VAX1: variants seen among roughly 807,000 people sequenced by gnomAD.
VAX1 encodes ventral anterior homeobox 1.
VAX1 carries 6 observed loss-of-function variants against 17.6 expected under a neutral mutation model. The observed-to-expected ratio is 0.34, with a 90% CI of 0.19 to 0.67. VAX1 has a LOEUF of 0.67. VAX1 is among the 30% of genes least tolerant of loss of function. The pLI, the probability that VAX1 is intolerant of heterozygous loss-of-function variation, is 0.69. For missense variants in VAX1, 408 were observed against 463.7 expected (o/e 0.88, Z 1.10); for synonymous variants, 256 against 227.4 (o/e 1.13, Z -1.13).
At chr10:117,128,755 A>G (rs1854047624), downstream of VAX1, 2 of 152,144 alleles carry the variant, frequency 1.3e-5, no homozygotes, top group African/African-American at 4.8e-5. Context: ...TCCAGAACTC[A>G]TGTCTCTTCA....
chr10:117,137,339 G>T lies in VAX1; in HGVS notation c.241+477C>A, dbSNP rs1854198727. Among the ~76,000 whole-genome samples the T allele has an allele frequency of 6.6e-6, 1 of 152,032 alleles. No individual in the cohort carries two copies. The highest frequency in any genetic ancestry group is 2.4e-5 in the African/African-American group (1 of 41,402). On this transcript the variant is annotated intron_variant, in intron 1 of 2. Transcript: ENST00000369206. This position sits in a 1 kb window ranked among gnomAD's most constrained non-coding sequence, Gnocchi z 7.4. Reference sequence around the variant, plus strand: ...CGGTCGGGCACCGATCGCGGCCGTGGGGTCCTCGGCCCAGTGCACTAACTG... The same window carrying T: ...CGGTCGGGCACCGATCGCGGCCGTGTGGTCCTCGGCCCAGTGCACTAACTG...
downstream of VAX1, chr10:117,129,027 C>A (rs1357761219): frequency 1.3e-5 from 2 of 152,190 alleles, no homozygotes; most frequent in Non-Finnish European, 2.9e-5. Context: ...GATTTCCCGA[C>A]GTAGAAATGG....
Position 117,133,456 on chromosome 10 carries a change from G to C in VAX1, c.*552C>G. 2.0e-6 allele frequency: 2 copies of C among 985,636 alleles called. No individual in the cohort carries two copies. Among genetic ancestry groups the C allele is most frequent in the Non-Finnish European group, 2.4e-6 (2 of 830,096 alleles). 61.1% of individuals were successfully genotyped at this position (985,636 alleles called of 1,614,324 possible). On this transcript the variant is annotated 3_prime_UTR_variant, in exon 3 of 3. Transcript: ENST00000369206. ...TTTGCCCGCCAGGAAGCTGTGTTGT[G>C]TACCGACTATCCCGAGAGGTCCGCA...
Position 117,134,075 on chromosome 10 carries a change from G to A in VAX1, c.938C>T (p.Ser313Phe). Residue 313 changes from serine (S) to phenylalanine (F), a missense_variant, in exon 3 of 3, where the codon TCC becomes TTC. Physicochemically the swap from Ser to Phe is radical, Grantham distance 155. Transcript: ENST00000369206. The surrounding 1 kb of genome is among the most constrained non-coding windows in gnomAD (Gnocchi z 6.2). ...LQELSARYLS[S>F]SAFEPYSRTN... ...CCGGGAGTAAGGCTCGAAGGCCGAG[G>A]AGCTCAGATATCGGGCGGAGAGTTC... 1 of 1,536,360 alleles carries A rather than the reference G, an allele frequency of 6.5e-7. No homozygotes were observed. Among genetic ancestry groups the A allele is most frequent in the Non-Finnish European group, 8.8e-7 (1 of 1,140,524 alleles).
At chr10:117,132,247 G>A (rs769637738), downstream of VAX1, 8 of 1,613,844 alleles carry the variant, frequency 5.0e-6, no homozygotes, top group Admixed American at 1.3e-4. This position sits in a 1 kb window ranked among gnomAD's most constrained non-coding sequence, Gnocchi z 4.9. Flanking sequence ...GAGTCCCCAC[G>A]CCGAGACTCA....
chr10:117,132,450 A>T, downstream of VAX1: 1 of 1,612,524 alleles, frequency 6.2e-7, no homozygotes, highest in Non-Finnish European at 8.5e-7. The surrounding 1 kb of genome is among the most constrained non-coding windows in gnomAD (Gnocchi z 4.9). Context: ...CCGCGTTTGA[A>T]TCGTTCATTA....
Position 117,136,492 on chromosome 10 carries a change from G to C in VAX1, c.409C>G (p.Leu137Val). 1.9e-6 allele frequency: 3 copies of C among 1,613,694 alleles called. No individual in the cohort carries two copies. Among genetic ancestry groups the C allele is most frequent in the Non-Finnish European group, 2.5e-6 (3 of 1,179,996 alleles). Residue 137 changes from leucine to valine, a missense_variant, in exon 2 of 3, where the codon CTT (leucine) becomes GTT (valine). Leu to Val is a conservative substitution (Grantham distance 32). Transcript: ENST00000369206. The surrounding 1 kb of genome is among the most constrained non-coding windows in gnomAD (Gnocchi z 5.0). ...GRERTELARQ[L>V]NLSETQVKVW... ...GGTACCTGGGTCTCGGAGAGGTTAA[G>C]CTGCCGGGCGAGCTCGGTCCTCTCG...
In VAX1 at chr10:117,134,052, G is replaced by T; in HGVS notation, c.961C>A (p.Arg321=). The T allele has an allele frequency of 6.5e-7, 1 of 1,529,756 alleles. No homozygotes were observed. The highest frequency in any genetic ancestry group is 2.6e-5 in the East Asian group (1 of 38,356). The allele number at this position is 1,529,756 out of a possible 1,614,324, so 94.8% of individuals were successfully genotyped here. A position where few individuals can be genotyped will look rare whatever the true frequency, so the allele number is the denominator to read the frequency against. ...TCGGCCCCTTCTTTATTGTTGGTCC[G>T]GGAGTAAGGCTCGAAGGCCGAGGAG... ...LSSSAFEPYS[R]TNNKEGAEKK... The change falls in exon 3 of 3, where the codon CGG becomes AGG. Residue 321 remains arginine (R), a synonymous_variant. Coordinates refer to ENST00000369206, the MANE Select transcript of VAX1 (RefSeq NM_001112704.2). The surrounding 1 kb of genome is among the most constrained non-coding windows in gnomAD (Gnocchi z 6.2).
rs1345896918 is a variant in VAX1, at chr10:117,134,467, C to A, written c.546G>T (p.Leu182=). The A allele has an allele frequency of 2.0e-6, 3 of 1,519,254 alleles. No individual in the cohort carries two copies. In the East Asian group the frequency reaches 7.9e-5, roughly 40 times the overall value. The allele number at this position is 1,519,254 out of a possible 1,614,324, so 94.1% of individuals were successfully genotyped here. Residue 182 remains leucine (L), a synonymous_variant, in exon 3 of 3, where the codon CTG becomes CTT. Transcript: ENST00000369206. The surrounding 1 kb of genome is among the most constrained non-coding windows in gnomAD (Gnocchi z 6.2). ...GCGGCGACAACAGGCGGCCCTGCTCCAGCAGCCGTAGCACGCTGCACGTGG... is the reference window on the plus strand; with the variant it reads ...GCGGCGACAACAGGCGGCCCTGCTCAAGCAGCCGTAGCACGCTGCACGTGG... ...TAATCSVLRL[L]EQGRLLSPPG... is the part of the protein sequence containing the mutation.
At chr10:117,132,469 AC>A (rs775924063), downstream of VAX1, 1 of 1,608,958 alleles carries the variant, frequency 6.2e-7, no homozygotes, top group Non-Finnish European at 8.5e-7. This position sits in a 1 kb window ranked among gnomAD's most constrained non-coding sequence, Gnocchi z 4.9. Flanking sequence ...TATTTTCTTC[AC>A]TATTTGCCTA....
rs754203695 is a variant in VAX1 at position 117,137,891 on chromosome 10, C to G, written c.166G>C (p.Ala56Pro). Residue 56 changes from alanine to proline, a missense_variant, in exon 1 of 3, where the codon GCT becomes CCT. Physicochemically the swap from Ala to Pro is conservative, Grantham distance 27 (BLOSUM62 -1). Coordinates refer to ENST00000369206, the MANE Select transcript of VAX1 (RefSeq NM_001112704.2). This position sits in a 1 kb window ranked among gnomAD's most constrained non-coding sequence, Gnocchi z 7.4. ...EPQGAFSASG[A>P]AEDCNKSKSN... ...TTACTTTTGTTACAATCCTCAGCAG[C>G]GCCCGACGCTGAGAAGGCGCCCTGC... 3.7e-6 allele frequency: 6 copies of G among 1,613,722 alleles called. No individual in the cohort carries two copies. Among genetic ancestry groups the G allele is most frequent in the Non-Finnish European group, 4.2e-6 (5 of 1,180,002 alleles).
chr10:117,132,236 G>A (rs776057410), downstream of VAX1: 24 of 1,613,936 alleles, frequency 1.5e-5, no homozygotes, highest in Admixed American at 3.3e-5. This position sits in a 1 kb window ranked among gnomAD's most constrained non-coding sequence, Gnocchi z 4.9. Flanking sequence ...CTCTGCCCCC[G>A]GAGTCCCCAC....
downstream of VAX1, chr10:117,128,902 G>T (rs1854049894): frequency 6.6e-6 from 1 of 152,188 alleles, no homozygotes; most frequent in African/African-American, 2.4e-5. Context: ...GGTCCCCATT[G>T]AGTTTATAAA....
rs752129509 is a variant in VAX1 at position 117,136,453 on chromosome 10, C to T, written c.429+19G>A. On this transcript the variant is annotated intron_variant, in intron 2 of 2. Transcript: ENST00000369206. This position sits in a 1 kb window ranked among gnomAD's most constrained non-coding sequence, Gnocchi z 5.0. The stretch of plus-strand genomic sequence containing the variant: ...AGGAAGGCTGGTGCAGAACTGTGTG[C>T]GGCCTGGTCGCCGGGTACCTGGGTC... 6.2e-7 allele frequency: 1 copy of T among 1,611,384 alleles called. No individual in the cohort carries two copies. The highest frequency in any genetic ancestry group is 8.5e-7 in the Non-Finnish European group (1 of 1,179,754).
chr10:117,134,012 T>G lies in VAX1; in HGVS notation c.1001A>C (p.Asp334Ala). Residue 334 changes from aspartate to alanine, a missense_variant, in exon 3 of 3, where the codon GAC becomes GCC. This residue lies in a region of VAX1 where 196 missense variants were observed against 218.7 expected (regional missense o/e 0.90). Transcript: ENST00000369206. This position sits in a 1 kb window ranked among gnomAD's most constrained non-coding sequence, Gnocchi z 6.2. ...AATACAGGGAAACACTTAAAATCAG[T>G]CCAGCGCTTTTTTCTCGGCCCCTTC... ...NKEGAEKKAL[D>A] is the part of the protein sequence containing the mutation. 9 of 1,520,826 alleles carry G rather than the reference T, an allele frequency of 5.9e-6. No homozygotes were observed. Among genetic ancestry groups the G allele is most frequent in the Non-Finnish European group, 7.1e-6 (8 of 1,133,970 alleles). 94.2% of individuals were successfully genotyped at this position (1,520,826 alleles called of 1,614,324 possible).
At chr10:117,128,755 AT>A (rs2133654850), downstream of VAX1, 1 of 152,262 alleles carries the variant, frequency 6.6e-6, no homozygotes, top group Admixed American at 6.5e-5. Context: ...TCCAGAACTC[AT>A]GTCTCTTCAA....
Position 117,138,020 on chromosome 10 carries a change from G to A in VAX1, c.37C>T (p.His13Tyr). The change falls in exon 1 of 3, where the codon CAC becomes TAC. Residue 13 changes from histidine (H) to tyrosine (Y), a missense_variant. His to Tyr is a moderately conservative substitution (Grantham distance 83). Transcript: ENST00000369206. Reference protein sequence around the residue: ...GKPDKMDVRCHSDAEAARVSK... With the variant: ...GKPDKMDVRCYSDAEAARVSK... ...ACCCGGGCAGCCTCGGCGTCCGAGT[G>A]GCATCGAACGTCCATTTTGTCTGGT... The A allele has an allele frequency of 1.3e-6, 2 of 1,561,494 alleles. No homozygotes were observed. Among genetic ancestry groups the A allele is most frequent in the Non-Finnish European group, 1.7e-6 (2 of 1,146,896 alleles).
rs773894040 is a variant in VAX1 at position 117,137,847 on chromosome 10, G to T, written c.210C>A (p.Asp70Glu). 4.3e-6 allele frequency: 7 copies of T among 1,613,008 alleles called. No individual in the cohort carries two copies. Among genetic ancestry groups the T allele is most frequent in the African/African-American group, 2.7e-5 (2 of 74,894 alleles). ...CNKSKSNSAA[D>E]PDYCRRILVR... is the part of the protein sequence containing the mutation. ...CCAGGATCCGGCGGCAGTAATCCGG[G>T]TCCGCTGCGGAATTGGATTTACTTT... Residue 70 changes from aspartate (D) to glutamate (E), a missense_variant, in exon 1 of 3, where the codon GAC (aspartate) becomes GAA (glutamate). Coordinates refer to ENST00000369206, the MANE Select transcript of VAX1 (RefSeq NM_001112704.2). The surrounding 1 kb of genome is among the most constrained non-coding windows in gnomAD (Gnocchi z 7.4).
At chr10:117,131,182 G>A (rs10787760), downstream of VAX1, 87,522 of 153,124 alleles carry the variant, frequency 0.57, 27,482 homozygotes, top group Middle Eastern at 0.72. Flanking sequence ...GAAGGAAGAA[G>A]TAATGGAGGA....
Sources: gnomAD v4.1 joint callset for allele counts (sites outside exome capture counted in the v4.1 genomes callset) on GRCh38, gnomAD v4.1.1 for gene constraint, gnomAD v4.1.1 regional missense constraint, Gnocchi (gnomAD v3.1) non-coding constraint, MANE v1.5 for transcripts, NCBI Gene and HGNC (gene_info 2026-07-23, HGNC 2026-07-21) for gene names.